TNFRSF21: variants seen among roughly 807,000 people sequenced by gnomAD.
TNFRSF21 encodes the protein TNF receptor superfamily member 21, also known as tumor necrosis factor receptor superfamily member 21.
A neutral mutation model predicts 45.6 loss-of-function variants in TNFRSF21; 19 were observed. That is an observed-to-expected ratio of 0.42 (90% confidence interval 0.29 to 0.61). The LOEUF is 0.61. Ranked by LOEUF, TNFRSF21 falls within the 20% of genes least tolerant of loss-of-function variation. TNFRSF21 has a pLI of 0.23. For missense variants in TNFRSF21, 737 were observed against 851.5 expected, an observed-to-expected ratio of 0.87 and a Z score of 1.67; for synonymous variants, 314 against 335.5, an observed-to-expected ratio of 0.94 and a Z score of 0.70.
At chr6:47,297,417 C>T (rs116683092) in intron 1 of TNFRSF21, among the ~76,000 whole-genome samples, 2,840 of 151,820 alleles carry the variant, frequency 0.019, 38 homozygotes, top group Middle Eastern at 0.062. Context: ...CTCCCGCCAA[C>T]TTAACAATGT....
rs549394192 is a variant in TNFRSF21 at position 47,232,891 on chromosome 6, C to T, written c.1842G>A (p.Val614=). 24 of 1,614,030 alleles carry T rather than the reference C, an allele frequency of 1.5e-5. No individual in the cohort carries two copies. Among genetic ancestry groups the T allele is most frequent in the Non-Finnish European group, 1.7e-6 (2 of 1,180,034 alleles). The part of the protein sequence containing the change: ...LHFLNPEELR[V]IEEIPQAEDK... ...CCTCAGCCTGGGGAATCTCTTCAATCACCCGCAGCTCCTCAGGATTTAGAA... is the reference window on the plus strand; with the variant it reads ...CCTCAGCCTGGGGAATCTCTTCAATTACCCGCAGCTCCTCAGGATTTAGAA... The change falls in exon 6 of 6, where the codon GTG becomes GTA. Residue 614 remains valine, a synonymous_variant. Coordinates refer to ENST00000296861, the MANE Select transcript of TNFRSF21 (RefSeq NM_014452.5).
At chr6:47,261,774 A>C (rs575877151) in intron 3 of TNFRSF21, among the ~76,000 whole-genome samples, 1 of 152,362 alleles carries the variant, frequency 6.6e-6, no homozygotes, top group African/African-American at 2.4e-5. Flanking sequence ...TGCTGGGATC[A>C]GCTGTCCAAG....
At chr6:47,289,109 G>T (rs764004827) in intron 1 of TNFRSF21, among the ~76,000 whole-genome samples, 27 of 152,206 alleles carry the variant, frequency 1.8e-4, no homozygotes, top group Non-Finnish European at 4.0e-4. Flanking sequence ...AGTTCCAACA[G>T]TTTTCACTAT....
At chr6:47,257,586 A>G (rs1018794159) in intron 3 of TNFRSF21, among the ~76,000 whole-genome samples, 2 of 152,244 alleles carry the variant, frequency 1.3e-5, no homozygotes, top group African/African-American at 4.8e-5. Context: ...AATCAACTAC[A>G]GAGAAAAGCA....
chr6:47,234,594 G>T, intron 5 of TNFRSF21, 76 bp downstream of exon 5: 2 of 1,189,398 alleles, frequency 1.7e-6, no homozygotes, highest in Non-Finnish European at 2.4e-6. Context: ...ACTGGACTGT[G>T]GACGGGGAGG....
chr6:47,297,995 T>C (rs906266532), intron 1 of TNFRSF21, among the ~76,000 whole-genome samples: 3 of 152,040 alleles, frequency 2.0e-5, no homozygotes, highest in East Asian at 3.8e-4. Flanking sequence ...AAGAGAAACA[T>C]GGGCCCACTA....
chr6:47,254,680 C>A (rs949674783), intron 3 of TNFRSF21, among the ~76,000 whole-genome samples: 1 of 152,198 alleles, frequency 6.6e-6, no homozygotes, highest in African/African-American at 2.4e-5. Flanking sequence ...TCCTGAAGAA[C>A]ACCTAAGTTG....
At chr6:47,297,166 G>A (rs1203174912) in intron 1 of TNFRSF21, among the ~76,000 whole-genome samples, 1 of 152,152 alleles carries the variant, frequency 6.6e-6, no homozygotes, top group Non-Finnish European at 1.5e-5. Flanking sequence ...GGTGTCAAAG[G>A]TGTTGTGTTG....
chr6:47,287,105 C>T (rs980218218), intron 1 of TNFRSF21, among the ~76,000 whole-genome samples: 8 of 151,802 alleles, frequency 5.3e-5, no homozygotes, highest in African/African-American at 1.7e-4. Flanking sequence ...GTCAGGTGTT[C>T]GAGACCAGCC....
rs376704327 is a variant in TNFRSF21 at position 47,302,214 on chromosome 6, C to G, written c.96+7202G>C. Among the ~76,000 whole-genome samples the G allele has an allele frequency of 1.2e-4, 19 of 152,274 alleles. 1 individual carries two copies. The South Asian group carries it at 3.1e-3, about 25-fold the overall frequency. On this transcript the variant is annotated intron_variant, in intron 1 of 5. Transcript: ENST00000296861. ...GATAAACCACACACAAACACATGACCTCTGACACCCCTCAAATCACGGAGT... is the reference window on the plus strand; with the variant it reads ...GATAAACCACACACAAACACATGACGTCTGACACCCCTCAAATCACGGAGT...
intron 3 of TNFRSF21, among the ~76,000 whole-genome samples, chr6:47,264,978 C>T (rs1398592467): frequency 6.6e-6 from 1 of 152,192 alleles, no homozygotes; most frequent in African/African-American, 2.4e-5. Context: ...TCTGGGCTGA[C>T]AGACAGGATG....
At chr6:47,242,613 G>A (rs1235617889) in intron 4 of TNFRSF21, among the ~76,000 whole-genome samples, 1 of 152,204 alleles carries the variant, frequency 6.6e-6, no homozygotes, top group East Asian at 1.9e-4. Context: ...AGCTGGCTCC[G>A]GAGGGAGGGA....
Position 47,253,417 on chromosome 6 carries a change from T to G in TNFRSF21, c.1348A>C (p.Asn450His), listed in dbSNP as rs1261867031. 2 of 1,614,058 alleles carry G rather than the reference T, an allele frequency of 1.2e-6. No homozygotes were observed. Among genetic ancestry groups the G allele is most frequent in the African/African-American group, 2.7e-5 (2 of 74,920 alleles). Residue 450 changes from asparagine to histidine, a missense_variant, in exon 4 of 6, where the codon AAT becomes CAT. Physicochemically the swap from Asn to His is moderately conservative, Grantham distance 68. Transcript: ENST00000296861. ...ASEREVAAFS[N>H]GYTADHERAY... is the part of the protein sequence containing the mutation. ...CGCTCGTGGTCGGCTGTGTACCCAT[T>G]GGAGAAAGCAGCAACCTCCCTCTCA...
chr6:47,243,196 A>C (rs910062138), intron 4 of TNFRSF21, among the ~76,000 whole-genome samples: 12 of 152,172 alleles, frequency 7.9e-5, no homozygotes, highest in Admixed American at 7.9e-4. Flanking sequence ...TTAACCTCTG[A>C]CTTCCAAGTC....
intron 3 of TNFRSF21, among the ~76,000 whole-genome samples, chr6:47,280,476 C>T (rs923972725): frequency 6.6e-6 from 1 of 152,136 alleles, no homozygotes; most frequent in Non-Finnish European, 1.5e-5. Context: ...AAAAGACTTT[C>T]CTTAGAAAAA....
At chr6:47,305,273 G>A (rs924215744) in intron 1 of TNFRSF21, among the ~76,000 whole-genome samples, 1 of 152,144 alleles carries the variant, frequency 6.6e-6, no homozygotes, top group Non-Finnish European at 1.5e-5. Context: ...GCCCAGAATA[G>A]TGCCTCACTT....
At chr6:47,289,810 A>G (rs1415202080) in intron 1 of TNFRSF21, among the ~76,000 whole-genome samples, 1 of 152,174 alleles carries the variant, frequency 6.6e-6, no homozygotes, top group Non-Finnish European at 1.5e-5. Context: ...CTTGGTCAAC[A>G]TGGTGAAATC....
chr6:47,240,558 A>C (rs547946805), intron 4 of TNFRSF21, among the ~76,000 whole-genome samples: 3 of 152,214 alleles, frequency 2.0e-5, no homozygotes, highest in Non-Finnish European at 2.9e-5. Flanking sequence ...TCTAGTTTCA[A>C]AGTTACCCTC....
At chr6:47,286,675 A>G in intron 1 of TNFRSF21, 80 bp from the exon 2 acceptor site, 1 of 1,406,568 alleles carries the variant, frequency 7.1e-7, no homozygotes. Context: ...AAGGGCCAAC[A>G]ATTCCAGCAC....
Sources: allele counts gnomAD v4.1 joint callset (sites outside exome capture counted in the v4.1 genomes callset), GRCh38; gene constraint gnomAD v4.1.1; transcripts MANE v1.5; gene names NCBI Gene and HGNC (gene_info 2026-07-23, HGNC 2026-07-21).